PDPK1: variants seen among roughly 807,000 people sequenced by gnomAD.
PDPK1 encodes the protein 3-phosphoinositide-dependent protein kinase 1.
In PDPK1, 7 loss-of-function variants were observed where a neutral mutation model predicts 39.8. The observed-to-expected ratio is 0.18, with a 90% CI of 0.10 to 0.33. The LOEUF is 0.33. Ranked by LOEUF, PDPK1 falls within the 10% of genes least tolerant of loss-of-function variation. PDPK1 has a pLI of 1.00. For missense variants in PDPK1, 182 were observed against 384.7 expected, an observed-to-expected ratio of 0.47 and a Z score of 4.41; for synonymous variants, 118 against 159.1, an observed-to-expected ratio of 0.74 and a Z score of 1.95.
At chr16:2,585,713 C>T (rs536770144) in intron 10 of PDPK1, among the ~76,000 whole-genome samples, 3 of 152,212 alleles carry the variant, frequency 2.0e-5, no homozygotes, top group South Asian at 4.1e-4. Flanking sequence ...TGCCCGTTGG[C>T]GAGCACCTTG....
At chr16:2,595,015 C>T (rs907352601) in intron 11 of PDPK1, among the ~76,000 whole-genome samples, 8 of 152,050 alleles carry the variant, frequency 5.3e-5, no homozygotes, top group South Asian at 4.2e-4. Context: ...CCCAGCTATT[C>T]GGGAGGCTGA....
intron 11 of PDPK1, 125 bp downstream of exon 11, chr16:2,587,018 G>C: frequency 1.2e-6 from 1 of 829,896 alleles, no homozygotes; most frequent in Non-Finnish European, 2.0e-6. Context: ...TGGCCAAGGA[G>C]CACATCGTAA....
intron 1 of PDPK1, 127 bp downstream of exon 1, chr16:2,538,263 G>C (rs1238197465): frequency 2.7e-6 from 1 of 376,510 alleles, no homozygotes; most frequent in Non-Finnish European, 3.7e-6. Context: ...CTGCAGCCGG[G>C]CGGCCGGGCC....
chr16:2,585,899 C>T (rs1003605290), intron 10 of PDPK1, among the ~76,000 whole-genome samples: 2 of 152,230 alleles, frequency 1.3e-5, no homozygotes, highest in Admixed American at 1.3e-4. Flanking sequence ...CTTATCCTAG[C>T]CATTGCTCGT....
intron 11 of PDPK1, chr16:2,594,280 CATGCCTGTA>C: frequency 6.6e-6 from 1 of 152,344 alleles, no homozygotes; most frequent in East Asian, 1.9e-4. Flanking sequence ...GGTGGTGGCT[CATGCCTGTA>C]ATCCCAGCAC....
chr16:2,573,797 AT>A (rs71148141), intron 6 of PDPK1, among the ~76,000 whole-genome samples: 36 of 101,258 alleles, frequency 3.6e-4, no homozygotes, highest in East Asian at 7.7e-4. Context: ...TTCTGTTTTT[AT>A]TTTTTTTTTT....
chr16:2,558,471 T>C lies in PDPK1; in HGVS notation c.285+508T>C, dbSNP rs566603460. Among the ~76,000 whole-genome samples, 37 of 150,858 alleles carry C rather than the reference T, an allele frequency of 2.5e-4. 1 individual carries two copies. In the South Asian group the frequency reaches 7.7e-3, roughly 31 times the overall value. On this transcript the variant is annotated intron_variant, in intron 2 of 13. Transcript: ENST00000342085. ...GCTGGAGACACAGCCTCCAGAGTCTTGTGTTCCGAGTTTCACAAACAGGAG... is the reference window on the plus strand; with the variant it reads ...GCTGGAGACACAGCCTCCAGAGTCTCGTGTTCCGAGTTTCACAAACAGGAG...
chr16:2,588,488 G>T (rs1263897851), intron 11 of PDPK1, among the ~76,000 whole-genome samples: 3 of 152,202 alleles, frequency 2.0e-5, no homozygotes, highest in Admixed American at 2.0e-4. Context: ...CTGCAGGTGT[G>T]TGTGTGTTTC....
chr16:2,587,030 T>C (rs2066891492), intron 11 of PDPK1, 137 bp downstream of exon 11: 1 of 767,186 alleles, frequency 1.3e-6, no homozygotes, highest in Non-Finnish European at 2.2e-6. Context: ...ACATCGTAAG[T>C]GCACAGTTGG....
At chr16:2,545,304 A>T (rs989393251) in intron 1 of PDPK1, among the ~76,000 whole-genome samples, 2 of 151,650 alleles carry the variant, frequency 1.3e-5, no homozygotes, top group African/African-American at 4.8e-5. Flanking sequence ...GTCCTCCTCA[A>T]AGCTCTTTCT....
chr16:2,545,788 A>G (rs1597020466), intron 1 of PDPK1, among the ~76,000 whole-genome samples: 1 of 152,138 alleles, frequency 6.6e-6, no homozygotes, highest in African/African-American at 2.4e-5. Flanking sequence ...CACCATGCCC[A>G]GCACTGGCTA....
intron 10 of PDPK1, among the ~76,000 whole-genome samples, chr16:2,584,963 G>C (rs927368098): frequency 2.6e-5 from 4 of 152,234 alleles, no homozygotes; most frequent in African/African-American, 9.6e-5. Context: ...GGGCTGCAGT[G>C]CTCTCCCTGC....
intron 1 of PDPK1, among the ~76,000 whole-genome samples, chr16:2,552,386 G>A (rs1011107870): frequency 1.9e-4 from 29 of 151,478 alleles, no homozygotes; most frequent in Non-Finnish European, 4.1e-4. Flanking sequence ...CTCAGAAAAT[G>A]CCCAGTTTAC....
rs557387070 is a variant in PDPK1 at position 2,542,395 on chromosome 16, G to A, written c.24+4259G>A. On this transcript the variant is annotated intron_variant, in intron 1 of 13. Transcript: ENST00000342085. Reference sequence around the variant, plus strand: ...AGGCTACTCAAACTTCTGGTCTCAAGGGATCCTCCCGCCTCGGCCTCCCAA... The same window carrying A: ...AGGCTACTCAAACTTCTGGTCTCAAAGGATCCTCCCGCCTCGGCCTCCCAA... Among the ~76,000 whole-genome samples, 269 of 152,300 alleles carry A rather than the reference G, an allele frequency of 1.8e-3. 1 individual carries two copies. The highest frequency in any genetic ancestry group is 6.3e-3 in the African/African-American group (262 of 41,560).
chr16:2,541,794 C>G (rs1436723194), intron 1 of PDPK1, among the ~76,000 whole-genome samples: 2 of 152,148 alleles, frequency 1.3e-5, no homozygotes, highest in Non-Finnish European at 2.9e-5. Context: ...TTCACTTGCT[C>G]AGTGTGATAC....
chr16:2,538,782 T>C, intron 1 of PDPK1: 1 of 1,277,950 alleles, frequency 7.8e-7, no homozygotes, highest in Non-Finnish European at 1.0e-6. Context: ...GTAGGAGGGA[T>C]TTTAGGGGAA....
intron 1 of PDPK1, among the ~76,000 whole-genome samples, chr16:2,546,423 T>TC (rs1348304725): frequency 1.3e-5 from 2 of 148,562 alleles, no homozygotes; most frequent in African/African-American, 5.0e-5. Flanking sequence ...AATCTCCACC[T>TC]CCCCGGTTCA....
intron 1 of PDPK1, among the ~76,000 whole-genome samples, chr16:2,546,477 G>A (rs2066349558): frequency 1.3e-5 from 2 of 152,144 alleles, no homozygotes; most frequent in Non-Finnish European, 2.9e-5. Flanking sequence ...GGGATTACAG[G>A]CTCCTGCCAC....
rs1271356592 is a variant in PDPK1 at position 2,601,531 on chromosome 16, C to T, written c.*3764C>T. On this transcript the variant is annotated 3_prime_UTR_variant, in exon 14 of 14. Coordinates refer to ENST00000342085, the MANE Select transcript of PDPK1 (RefSeq NM_002613.5). ...GCATCTGCACAGTCAGCAGAGATAACAAGTGTTGAACTGACCTTGCCACAT... is the reference window on the plus strand; with the variant it reads ...GCATCTGCACAGTCAGCAGAGATAATAAGTGTTGAACTGACCTTGCCACAT... The T allele has an allele frequency of 4.3e-6, 1 of 234,368 alleles. No individual in the cohort carries two copies. The highest frequency in any genetic ancestry group is 2.2e-5 in the African/African-American group (1 of 45,286). 14.5% of individuals were successfully genotyped at this position (234,368 alleles called of 1,614,324 possible).
Sources: allele counts gnomAD v4.1 joint callset (sites outside exome capture counted in the v4.1 genomes callset), GRCh38; gene constraint gnomAD v4.1.1; transcripts MANE v1.5; gene names NCBI Gene and HGNC (gene_info 2026-07-23, HGNC 2026-07-21).